TRIM44: variants seen among roughly 807,000 people sequenced by gnomAD.
TRIM44 encodes the protein tripartite motif containing 44, also known as tripartite motif-containing protein 44.
Under a neutral mutation model 37.4 loss-of-function variants are expected in TRIM44, and 13 were observed. The ratio of observed to expected loss-of-function variants is 0.35; its 90% confidence interval spans 0.23 to 0.55. The LOEUF is 0.55. Ranked by LOEUF, TRIM44 falls within the 20% of genes least tolerant of loss-of-function variation. The probability of loss-of-function intolerance (pLI) is 0.89; values close to 1 mark genes in which losing one functional copy is unlikely to be tolerated. For missense variants in TRIM44, 426 were observed against 437.2 expected, an observed-to-expected ratio of 0.97 and a Z score of 0.23; for synonymous variants, 175 against 157.2, an observed-to-expected ratio of 1.11 and a Z score of -0.85.
At chr11:35,766,586 G>A (rs889622987) in intron 4 of TRIM44, among the ~76,000 whole-genome samples, 6 of 152,200 alleles carry the variant, frequency 3.9e-5, no homozygotes, top group African/African-American at 1.4e-4. Flanking sequence ...TCTTCCATGT[G>A]TAGCATTTTG....
intron 3 of TRIM44, among the ~76,000 whole-genome samples, chr11:35,726,499 A>G (rs955892522): frequency 6.6e-6 from 1 of 152,162 alleles, no homozygotes; most frequent in Non-Finnish European, 1.5e-5. Context: ...GTCATCATAG[A>G]CCTGGGCTGA....
intron 2 of TRIM44, among the ~76,000 whole-genome samples, chr11:35,718,502 C>T (rs1235026259): frequency 2.6e-5 from 4 of 152,144 alleles, no homozygotes; most frequent in African/African-American, 4.8e-5. Context: ...TCCCCACATG[C>T]GTAGCCTCCC....
At chr11:35,684,816 C>T (rs1032118880) in intron 1 of TRIM44, among the ~76,000 whole-genome samples, 2 of 152,132 alleles carry the variant, frequency 1.3e-5, no homozygotes, top group African/African-American at 4.8e-5. Context: ...ACTACAGTTC[C>T]ATTCATAATT....
chr11:35,734,573 AAAG>A (rs1251858207), intron 3 of TRIM44, among the ~76,000 whole-genome samples: 1 of 152,178 alleles, frequency 6.6e-6, no homozygotes, highest in Non-Finnish European at 1.5e-5. Flanking sequence ...CAATGGCTAA[AAAG>A]AAGGATATAA....
chr11:35,711,965 A>G (rs560535394), intron 2 of TRIM44, among the ~76,000 whole-genome samples: 2 of 152,316 alleles, frequency 1.3e-5, no homozygotes, highest in Non-Finnish European at 2.9e-5. Flanking sequence ...ACTTCCTAGG[A>G]ATAATGACAC....
At chr11:35,676,873 G>T (rs1851465039) in intron 1 of TRIM44, among the ~76,000 whole-genome samples, 1 of 152,130 alleles carries the variant, frequency 6.6e-6, no homozygotes, top group South Asian at 2.1e-4. Flanking sequence ...AGAAACCTTT[G>T]TCTGTTGTTG....
chr11:35,780,616 G>A (rs1019742906), intron 4 of TRIM44, among the ~76,000 whole-genome samples: 1 of 152,146 alleles, frequency 6.6e-6, no homozygotes, highest in East Asian at 1.9e-4. Flanking sequence ...ATGACAAACC[G>A]AATCTCAGAG....
At chr11:35,773,025 G>A (rs1852894234) in intron 4 of TRIM44, among the ~76,000 whole-genome samples, 1 of 152,148 alleles carries the variant, frequency 6.6e-6, no homozygotes, top group African/African-American at 2.4e-5. Flanking sequence ...GAATCATGGA[G>A]GTGGTTTCCC....
intron 2 of TRIM44, among the ~76,000 whole-genome samples, chr11:35,725,114 T>C: frequency 6.7e-6 from 1 of 150,318 alleles, no homozygotes. Flanking sequence ...ACCCTCCATC[T>C]CCATATCATA....
At chr11:35,781,210 A>G (rs1396937714) in intron 4 of TRIM44, among the ~76,000 whole-genome samples, 1 of 152,152 alleles carries the variant, frequency 6.6e-6, no homozygotes, top group East Asian at 1.9e-4. Context: ...AGGAGCAGGG[A>G]GTTCAGACCC....
intron 4 of TRIM44, among the ~76,000 whole-genome samples, chr11:35,785,188 T>G (rs747671959): frequency 6.6e-6 from 1 of 152,268 alleles, no homozygotes; most frequent in South Asian, 2.1e-4. Flanking sequence ...GACTTCCATA[T>G]TCTCCATTTT....
chr11:35,714,915 G>A (rs1336572690), intron 2 of TRIM44, among the ~76,000 whole-genome samples: 1 of 152,142 alleles, frequency 6.6e-6, no homozygotes, highest in Admixed American at 6.6e-5. Context: ...CAAGTCCTGG[G>A]TGTCTCTGGG....
At position 35,809,776 on chromosome 11, in the gene TRIM44, C is replaced by T. The variant is rs1853504876; in HGVS notation, c.*3391C>T. ...CAATTCAAAGTCCAGTGAATCTGGACTCTCTTACTGATTCCTGGTTTTAGT... is the reference window on the plus strand; with the variant it reads ...CAATTCAAAGTCCAGTGAATCTGGATTCTCTTACTGATTCCTGGTTTTAGT... On this transcript the variant is annotated 3_prime_UTR_variant, in exon 5 of 5. Transcript: ENST00000299413. The T allele has an allele frequency of 6.6e-6, 1 of 152,210 alleles. No individual in the cohort carries two copies. The highest frequency in any genetic ancestry group is 2.4e-5 in the African/African-American group (1 of 41,528). 9.4% of individuals were successfully genotyped at this position (152,210 alleles called of 1,614,324 possible).
intron 1 of TRIM44, among the ~76,000 whole-genome samples, chr11:35,664,944 A>G (rs1225787845): frequency 1.3e-5 from 2 of 152,162 alleles, no homozygotes; most frequent in Non-Finnish European, 2.9e-5. Flanking sequence ...ATGCATTCCT[A>G]AACTTATTTG....
At chr11:35,670,883 G>T (rs903550680) in intron 1 of TRIM44, among the ~76,000 whole-genome samples, 15 of 152,178 alleles carry the variant, frequency 9.9e-5, no homozygotes, top group Admixed American at 9.8e-4. Flanking sequence ...GGTAGCTAGG[G>T]TGAGAAGCTG....
At chr11:35,697,415 A>G (rs1851718698) in intron 2 of TRIM44, among the ~76,000 whole-genome samples, 1 of 147,480 alleles carries the variant, frequency 6.8e-6, no homozygotes, top group Non-Finnish European at 1.5e-5. Context: ...ATGGCTGCAT[A>G]GTATTCCATG....
chr11:35,728,580 C>T (rs1488690561), intron 3 of TRIM44, among the ~76,000 whole-genome samples: 1 of 152,058 alleles, frequency 6.6e-6, no homozygotes, highest in African/African-American at 2.4e-5. Flanking sequence ...ATTTAATAGC[C>T]TCTTGTTCCA....
rs1222289054 is a variant in TRIM44 at position 35,814,563 on chromosome 11, CTA to C, written c.*8180_*8181del. On this transcript the variant is annotated 3_prime_UTR_variant, in exon 5 of 5. Transcript: ENST00000299413. Reference sequence around the variant, plus strand: ...AAAACCCAGATGCATGTGACTAGAACTATCTTTTCTCCCATGATGCACTGCTT... The same window carrying C: ...AAAACCCAGATGCATGTGACTAGAACTCTTTTCTCCCATGATGCACTGCTT... 3 of 152,176 alleles carry C rather than the reference CTA, an allele frequency of 2.0e-5. No individual in the cohort carries two copies. Among genetic ancestry groups the C allele is most frequent in the African/African-American group, 7.2e-5 (3 of 41,436 alleles). The allele number at this position is 152,176 out of a possible 1,614,324, so 9.4% of individuals were successfully genotyped here. A position where few individuals can be genotyped will look rare whatever the true frequency, so the allele number is the denominator to read the frequency against.
intron 2 of TRIM44, among the ~76,000 whole-genome samples, chr11:35,690,261 G>C (rs1851625055): frequency 6.6e-6 from 1 of 152,008 alleles, no homozygotes; most frequent in African/African-American, 2.4e-5. Flanking sequence ...TTTTATTTCA[G>C]CATTTATGTA....
Sources: allele counts gnomAD v4.1 joint callset (sites outside exome capture counted in the v4.1 genomes callset), GRCh38; gene constraint gnomAD v4.1.1; transcripts MANE v1.5; gene names NCBI Gene and HGNC (gene_info 2026-07-23, HGNC 2026-07-21).